Variants in DNMBP observed in about 807,000 individuals in gnomAD.
DNMBP encodes dynamin binding protein.
A neutral mutation model predicts 150.0 loss-of-function variants in DNMBP; 87 were observed. That is an observed-to-expected ratio of 0.58 (90% CI 0.49 to 0.69). The LOEUF (loss-of-function observed/expected upper bound fraction) is 0.69. Ranked by LOEUF, DNMBP falls within the 30% of genes least tolerant of loss-of-function variation. The pLI, the probability that DNMBP is intolerant of heterozygous loss-of-function variation, is 0.00. For missense variants in DNMBP, 1,774 were observed against 1,949.0 expected, an observed-to-expected ratio of 0.91 and a Z score of 1.69; for synonymous variants, 711 against 750.4, an observed-to-expected ratio of 0.95 and a Z score of 0.86.
Position 99,884,070 on chromosome 10 carries a change from C to G in DNMBP, c.3938G>C (p.Gly1313Ala). 1.2e-6 allele frequency: 2 copies of G among 1,614,086 alleles called. No individual in the cohort carries two copies. Among genetic ancestry groups the G allele is most frequent in the Non-Finnish European group, 1.7e-6 (2 of 1,180,036 alleles). Residue 1313 changes from glycine to alanine, a missense_variant, in exon 15 of 17, where the codon GGT becomes GCT. By Grantham distance (60) the Gly-to-Ala change is moderately conservative (BLOSUM62 0). Transcript: ENST00000324109. The stretch of plus-strand genomic sequence containing the variant: ...CATGGGGTCTTTTTTCTTAATCACA[C>G]CCACCAGGTCACCTTCCAAAAGTGA... The part of the protein sequence containing the change: ...DVSLLEGDLV[G>A]VIKKKDPMGS...
chr10:99,892,890 T>C (rs113789226), intron 11 of DNMBP, among the ~76,000 whole-genome samples: 1 of 152,338 alleles, frequency 6.6e-6, no homozygotes, highest in East Asian at 1.9e-4. Context: ...GAAAACACTT[T>C]AAGCAAACTC....
chr10:99,939,427 CTT>C (rs780943221), intron 4 of DNMBP, among the ~76,000 whole-genome samples: 8 of 152,252 alleles, frequency 5.3e-5, no homozygotes, highest in Non-Finnish European at 1.0e-4. Flanking sequence ...GGTAAAACCT[CTT>C]TGCAAAAATT....
At chr10:99,925,038 C>T (rs935642921) in intron 4 of DNMBP, among the ~76,000 whole-genome samples, 3 of 152,164 alleles carry the variant, frequency 2.0e-5, no homozygotes, top group South Asian at 4.1e-4. Context: ...AGGTCTTTCC[C>T]GAGTCCATAT....
intron 9 of DNMBP, 186 bp from the exon 10 acceptor site, chr10:99,896,583 G>A: frequency 1.7e-6 from 1 of 589,842 alleles, no homozygotes; most frequent in Non-Finnish European, 3.0e-6. Context: ...ACAATGGGCA[G>A]CCAGGAGAGG....
intron 1 of DNMBP, among the ~76,000 whole-genome samples, chr10:99,974,263 A>G (rs2040705778): frequency 6.6e-6 from 1 of 152,220 alleles, no homozygotes. Flanking sequence ...TCAGTGGCCC[A>G]ACCCCGGGGA....
chr10:99,908,068 A>G lies in DNMBP; in HGVS notation c.2481T>C (p.Leu827=). 6.2e-7 allele frequency: 1 copy of G among 1,613,986 alleles called. No homozygotes were observed. The highest frequency in any genetic ancestry group is 1.7e-4 in the Middle Eastern group (1 of 6,060). The stretch of plus-strand genomic sequence containing the variant: ...TAATCACCATCTGCATATTTCCAAA[A>G]AGTCCCTCAAAATCAATGTTTGGTA... ...AQVPNIDFEG[L]FGNMQMVIKV... Residue 827 remains leucine (L), a synonymous_variant, in exon 6 of 17, where the codon CTT becomes CTC. Transcript: ENST00000324109.
In DNMBP at chr10:99,956,756, C is replaced by T. The variant is rs1384796877; in HGVS notation, c.718G>A (p.Asp240Asn). The change falls in exon 4 of 17, where the codon GAT becomes AAT. Residue 240 changes from aspartate (D) to asparagine (N), a missense_variant. Around this residue, in one of 2 missense-constraint regions of DNMBP, gnomAD observed 344 missense variants for 456.6 expected, o/e 0.75. Transcript: ENST00000324109. ...CCATAGGTCCCTGGCTCCTCCTCATCCTCATCCGGCCCTATCTCTTCTTCT... is the reference window on the plus strand; with the variant it reads ...CCATAGGTCCCTGGCTCCTCCTCATTCTCATCCGGCCCTATCTCTTCTTCT... ...VGEEEIGPDE[D>N]EEEPGTYGVA... 11 of 1,614,062 alleles carry T rather than the reference C, an allele frequency of 6.8e-6. No individual in the cohort carries two copies. Among genetic ancestry groups the T allele is most frequent in the South Asian group, 3.3e-5 (3 of 91,080 alleles).
chr10:99,897,857 G>A (rs1349967599), intron 9 of DNMBP, among the ~76,000 whole-genome samples: 2 of 152,060 alleles, frequency 1.3e-5, no homozygotes, highest in Non-Finnish European at 2.9e-5. Flanking sequence ...AGGTTGCAGT[G>A]AGCTGAGATA....
intron 4 of DNMBP, among the ~76,000 whole-genome samples, chr10:99,945,492 T>C (rs1027718378): frequency 6.6e-6 from 1 of 152,262 alleles, no homozygotes; most frequent in East Asian, 1.9e-4. Context: ...CAACAGTGAG[T>C]CATTCTTGCA....
At chr10:99,883,898 C>T (rs905318176) in intron 15 of DNMBP, 113 bp downstream of exon 15, 2 of 888,772 alleles carry the variant, frequency 2.3e-6, no homozygotes, top group Non-Finnish European at 1.7e-6. Flanking sequence ...TATTTTTCCC[C>T]TTAATCAAAG....
intron 9 of DNMBP, among the ~76,000 whole-genome samples, chr10:99,897,198 C>A (rs1296097604): frequency 2.6e-5 from 4 of 152,268 alleles, no homozygotes; most frequent in East Asian, 1.9e-4. Context: ...TATATACTCA[C>A]TGAATGCTCA....
chr10:99,915,478 G>A (rs947597686), intron 4 of DNMBP, among the ~76,000 whole-genome samples: 2 of 151,696 alleles, frequency 1.3e-5, no homozygotes, highest in Admixed American at 6.6e-5. Context: ...AGATAGAGGC[G>A]GGAGGATCAC....
At chr10:99,961,749 G>A (rs548763908) in intron 3 of DNMBP, among the ~76,000 whole-genome samples, 1 of 151,830 alleles carries the variant, frequency 6.6e-6, no homozygotes, top group South Asian at 2.1e-4. Flanking sequence ...AGCACAAGGA[G>A]CCTACTGCTA....
At chr10:99,938,524 GAC>G (rs2133300295) in intron 4 of DNMBP, among the ~76,000 whole-genome samples, 1 of 152,262 alleles carries the variant, frequency 6.6e-6, no homozygotes, top group East Asian at 1.9e-4. Context: ...CAGCCTCGGT[GAC>G]ACAGTGAGAC....
intron 1 of DNMBP, among the ~76,000 whole-genome samples, chr10:99,982,344 T>C (rs2133367022): frequency 6.6e-6 from 1 of 151,688 alleles, no homozygotes; most frequent in Admixed American, 6.6e-5. Context: ...CTGGGGAGGC[T>C]GAGGTGGGAG....
intron 4 of DNMBP, among the ~76,000 whole-genome samples, chr10:99,936,515 C>CT (rs34804787): frequency 0.01 from 1,361 of 134,326 alleles, 15 homozygotes; most frequent in South Asian, 0.038. Flanking sequence ...TTTCTTTTTT[C>CT]TTTTTTTTTT....
At chr10:99,944,637 A>G (rs868851886) in intron 4 of DNMBP, among the ~76,000 whole-genome samples, 29 of 152,346 alleles carry the variant, frequency 1.9e-4, no homozygotes, top group Middle Eastern at 6.8e-3. Flanking sequence ...TGCCTGGCAC[A>G]TGGTAAAAAT....
intron 4 of DNMBP, among the ~76,000 whole-genome samples, chr10:99,946,287 A>C (rs2040356576): frequency 6.6e-6 from 1 of 152,220 alleles, no homozygotes; most frequent in Non-Finnish European, 1.5e-5. Flanking sequence ...CACACTTAAC[A>C]ATTCCACCAA....
Position 99,908,942 on chromosome 10 carries a change from C to T in DNMBP, c.2454+11G>A, listed in dbSNP as rs1447728923. ...TTCAAGGTCAAACTAACTCTGTCTC[C>T]CAGTTCCCACCTGTGCCTGCTGCAT... On this transcript the variant is annotated intron_variant, in intron 5 of 16. Coordinates refer to ENST00000324109, the MANE Select transcript of DNMBP (RefSeq NM_015221.4). 1 of 1,609,026 alleles carries T rather than the reference C, an allele frequency of 6.2e-7. No individual in the cohort carries two copies.
Sources: gnomAD v4.1 joint callset for allele counts (sites outside exome capture counted in the v4.1 genomes callset) on GRCh38, gnomAD v4.1.1 for gene constraint, gnomAD v4.1.1 regional missense constraint, MANE v1.5 for transcripts, NCBI Gene and HGNC (gene_info 2026-07-23, HGNC 2026-07-21) for gene names.